TUBGCP3: variants seen among roughly 807,000 people sequenced by gnomAD.
The protein encoded by TUBGCP3 is gamma-tubulin complex component 3.
In TUBGCP3, 50 loss-of-function variants were observed where a neutral mutation model predicts 123.1. The observed-to-expected ratio is 0.41, with a 90% CI of 0.32 to 0.51. The LOEUF (loss-of-function observed/expected upper bound fraction) is 0.51, where lower values mean the gene tolerates loss of function less well. TUBGCP3 is among the 20% of genes least tolerant of loss of function. The pLI, the probability that TUBGCP3 is intolerant of heterozygous loss-of-function variation, is 0.36. For missense variants in TUBGCP3, 882 were observed against 1,127.0 expected, an observed-to-expected ratio of 0.78 and a Z score of 3.11; for synonymous variants, 405 against 413.9, an observed-to-expected ratio of 0.98 and a Z score of 0.26.
At position 112,485,997 on chromosome 13, in the gene TUBGCP3, G is replaced by A. The variant is rs536973080; in HGVS notation, c.2720C>T (p.Thr907Met). The A allele has an allele frequency of 1.6e-5, 25 of 1,596,234 alleles. No homozygotes were observed. The highest frequency in any genetic ancestry group is 2.2e-5 in the South Asian group (2 of 90,110). ...LGTRGRRSSH[T>M] ...TCCCTGGGAGGACCGCGAGCTTCAC[G>A]TGTGGGAGCTGCGCCGCCCCCTGGT... is the stretch of plus-strand genomic sequence containing the variant. The change falls in exon 22 of 22, where the codon ACG becomes ATG. Residue 907 changes from threonine (T) to methionine (M), a missense_variant. Thr to Met is a moderately conservative substitution (Grantham distance 81). Around this residue, in one of 3 missense-constraint regions of TUBGCP3, gnomAD observed 160 missense variants for 220.3 expected, o/e 0.73. Transcript: ENST00000261965.
At chr13:112,600,899 T>C in the TUBGCP3 span, among the ~76,000 whole-genome samples, 1 of 152,152 alleles carries the variant, frequency 6.6e-6, no homozygotes, top group Admixed American at 6.5e-5. Context: ...GTATTTTAAT[T>C]TAATTTTAAA....
At chr13:112,540,459 T>A (rs1388042680) in intron 11 of TUBGCP3, among the ~76,000 whole-genome samples, 1 of 133,410 alleles carries the variant, frequency 7.5e-6, no homozygotes, top group Non-Finnish European at 1.6e-5. Flanking sequence ...AGGACGTCAA[T>A]GTAGTAGCCC....
upstream of TUBGCP3, among the ~76,000 whole-genome samples, chr13:112,593,195 G>C (rs1882912266): frequency 6.6e-6 from 1 of 152,124 alleles, no homozygotes; most frequent in Non-Finnish European, 1.5e-5. Context: ...AAAGTGGGTG[G>C]ATCACCTGAG....
chr13:112,555,973 T>C, intron 6 of TUBGCP3, 79 bp downstream of exon 6: 2 of 1,485,618 alleles, frequency 1.3e-6, no homozygotes, highest in South Asian at 2.7e-5. Flanking sequence ...GTGGGGCTCC[T>C]GGGCTGTACT....
the TUBGCP3 span, among the ~76,000 whole-genome samples, chr13:112,600,013 T>C: frequency 6.6e-6 from 1 of 152,232 alleles, no homozygotes; most frequent in Non-Finnish European, 1.5e-5. Flanking sequence ...GATTATTAAC[T>C]GAGGTCCACA....
At chr13:112,573,655 G>A (rs970100157) in intron 1 of TUBGCP3, among the ~76,000 whole-genome samples, 1 of 152,188 alleles carries the variant, frequency 6.6e-6, no homozygotes, top group Non-Finnish European at 1.5e-5. Flanking sequence ...TCAAGGGTCA[G>A]GAAGAAATCT....
At chr13:112,517,623 T>C (rs1876258297) in intron 16 of TUBGCP3, among the ~76,000 whole-genome samples, 1 of 152,220 alleles carries the variant, frequency 6.6e-6, no homozygotes, top group African/African-American at 2.4e-5. Flanking sequence ...CCGGGCACGG[T>C]GGCTCATGCC....
intron 1 of TUBGCP3, among the ~76,000 whole-genome samples, chr13:112,586,163 C>T (rs754206000): frequency 6.6e-5 from 10 of 150,920 alleles, no homozygotes; most frequent in Non-Finnish European, 1.3e-4. Context: ...GGCATGAACC[C>T]GGAAGGTAGA....
At chr13:112,533,892 G>A (rs1000808752) in intron 11 of TUBGCP3, among the ~76,000 whole-genome samples, 1 of 150,628 alleles carries the variant, frequency 6.6e-6, no homozygotes, top group African/African-American at 2.5e-5. Context: ...GGTGATCTGT[G>A]AGATTTTGGT....
chr13:112,568,989 T>C (rs998229417), intron 2 of TUBGCP3, among the ~76,000 whole-genome samples, 163 bp downstream of exon 2: 21 of 152,244 alleles, frequency 1.4e-4, no homozygotes, highest in African/African-American at 3.6e-4. Flanking sequence ...TATTATGTTC[T>C]AATAGTTCTG....
In TUBGCP3 at chr13:112,545,899, C is replaced by T; in HGVS notation, c.1169-34G>A. ...AATGGAGGAAAATACACAAAAACAT[C>T]CACATTTACACTCATAGTACACACC... On this transcript the variant is annotated intron_variant, in intron 10 of 21. Coordinates refer to ENST00000261965, the MANE Select transcript of TUBGCP3 (RefSeq NM_006322.6). This position sits in a 1 kb window ranked among gnomAD's most constrained non-coding sequence, Gnocchi z 4.1. The T allele has an allele frequency of 1.2e-6, 2 of 1,603,682 alleles. No homozygotes were observed. The highest frequency in any genetic ancestry group is 1.7e-5 in the Admixed American group (1 of 59,904).
At chr13:112,585,765 C>T (rs1882565439) in intron 1 of TUBGCP3, among the ~76,000 whole-genome samples, 2 of 151,828 alleles carry the variant, frequency 1.3e-5, no homozygotes, top group South Asian at 4.2e-4. Flanking sequence ...AAGACTCCAT[C>T]TCAAATAAAT....
At chr13:112,516,346 C>T in intron 17 of TUBGCP3, 94 bp downstream of exon 17, 1 of 1,351,490 alleles carries the variant, frequency 7.4e-7, no homozygotes, top group Non-Finnish European at 9.7e-7. Context: ...CGTGAGTCTA[C>T]CTTAACTTCT....
intron 1 of TUBGCP3, among the ~76,000 whole-genome samples, chr13:112,573,041 A>G (rs1388964886): frequency 2.0e-5 from 3 of 152,092 alleles, no homozygotes; most frequent in Non-Finnish European, 1.5e-5. Context: ...TGAAAAGAAC[A>G]GGTATCGCCA....
rs542879829 is a variant in TUBGCP3, at chr13:112,509,444, C to A, written c.2087-4730G>T. 7.2e-5 allele frequency among the ~76,000 whole-genome samples: 11 copies of A among 152,314 alleles called. No homozygotes were observed. The East Asian group carries it at 1.4e-3, about 19-fold the overall frequency. On this transcript the variant is annotated intron_variant, in intron 17 of 21. Transcript: ENST00000261965. ...GACGTCAGAGCAGGCAGTCTGCATT[C>A]CTCCAGATCTTGAGTACTCAAACTC...
chr13:112,517,593 AT>A (rs1876254417), intron 16 of TUBGCP3, among the ~76,000 whole-genome samples: 1 of 152,222 alleles, frequency 6.6e-6, no homozygotes, highest in South Asian at 2.1e-4. Flanking sequence ...AAAGTTGCTA[AT>A]TTAAATAATT....
At chr13:112,498,713 CAG>C in intron 20 of TUBGCP3, 1 of 1,434,974 alleles carries the variant, frequency 7.0e-7, no homozygotes, top group Non-Finnish European at 9.2e-7. Context: ...GCTTCAAACA[CAG>C]AGTGATGCAG....
At chr13:112,584,968 T>C (rs1882507139) in intron 1 of TUBGCP3, among the ~76,000 whole-genome samples, 1 of 152,208 alleles carries the variant, frequency 6.6e-6, no homozygotes, top group African/African-American at 2.4e-5. Flanking sequence ...AGGTGGTAAA[T>C]CATGGTCATG....
intron 2 of TUBGCP3, among the ~76,000 whole-genome samples, chr13:112,568,877 C>G (rs1881188715): frequency 6.6e-6 from 1 of 152,194 alleles, no homozygotes; most frequent in South Asian, 2.1e-4. Flanking sequence ...AATCAGATAA[C>G]CTACTCACCA....
Sources: gnomAD v4.1 joint callset for allele counts (sites outside exome capture counted in the v4.1 genomes callset) on GRCh38, gnomAD v4.1.1 for gene constraint, gnomAD v4.1.1 regional missense constraint, Gnocchi (gnomAD v3.1) non-coding constraint, MANE v1.5 for transcripts, NCBI Gene and HGNC (gene_info 2026-07-23, HGNC 2026-07-21) for gene names.